Variants in PXDNL observed in about 807,000 individuals in gnomAD.
PXDNL encodes the protein peroxidasin like.
In PXDNL, 145 loss-of-function variants were observed where a neutral mutation model predicts 150.8. That is an observed-to-expected ratio of 0.96 (90% CI 0.84 to 1.10). The LOEUF is 1.10. Ranked by LOEUF, PXDNL falls within the 50% of genes least tolerant of loss-of-function variation. The pLI is 0.00. For synonymous variants in PXDNL, 757 were observed against 725.7 expected, an observed-to-expected ratio of 1.04 and a Z score of -0.69; for missense variants, 2,087 against 1,873.9, an observed-to-expected ratio of 1.11 and a Z score of -2.10.
chr8:51,614,112 A>G (rs1480484231), intron 2 of PXDNL, among the ~76,000 whole-genome samples: 2 of 152,260 alleles, frequency 1.3e-5, no homozygotes, highest in Non-Finnish European at 1.5e-5. Flanking sequence ...AAGAAATGAT[A>G]TATGAAAAAT....
At chr8:51,499,970 A>G (rs1811148322) in intron 4 of PXDNL, among the ~76,000 whole-genome samples, 200 bp from the exon 5 acceptor site, 1 of 152,174 alleles carries the variant, frequency 6.6e-6, no homozygotes, top group South Asian at 2.1e-4. Context: ...CTGATGTTCC[A>G]AAGGGGAATC....
chr8:51,803,293 CTG>C (rs2037640451), intron 1 of PXDNL, among the ~76,000 whole-genome samples: 1 of 152,196 alleles, frequency 6.6e-6, no homozygotes, highest in South Asian at 2.1e-4. Context: ...TCTTTGGAAA[CTG>C]CGAGGTCCAG....
At chr8:51,759,240 T>C (rs1013569141) in intron 1 of PXDNL, among the ~76,000 whole-genome samples, 7 of 152,182 alleles carry the variant, frequency 4.6e-5, no homozygotes, top group African/African-American at 1.4e-4. Flanking sequence ...TTTCAGTCTC[T>C]GTCCAAATTT....
intron 12 of PXDNL, among the ~76,000 whole-genome samples, chr8:51,445,864 G>A (rs1276980722): frequency 6.6e-6 from 1 of 152,082 alleles, no homozygotes; most frequent in Non-Finnish European, 1.5e-5. Flanking sequence ...AGGTTTGCCA[G>A]GGCACGTCAT....
intron 1 of PXDNL, among the ~76,000 whole-genome samples, chr8:51,683,234 G>C (rs1253579243): frequency 7.9e-6 from 1 of 126,396 alleles, no homozygotes; most frequent in Non-Finnish European, 1.6e-5. Context: ...GCCACAGTGA[G>C]GTATCACCTC....
intron 17 of PXDNL, among the ~76,000 whole-genome samples, chr8:51,401,777 A>C (rs1408569376): frequency 6.6e-6 from 1 of 152,178 alleles, no homozygotes; most frequent in Non-Finnish European, 1.5e-5. Context: ...CTTCCTGCAA[A>C]AGGAGGTTCA....
intron 4 of PXDNL, among the ~76,000 whole-genome samples, chr8:51,544,108 A>G (rs1319897614): frequency 1.3e-5 from 2 of 152,246 alleles, no homozygotes; most frequent in Non-Finnish European, 2.9e-5. Context: ...GTGTATGTAA[A>G]AGGAGAAAAT....
intron 2 of PXDNL, among the ~76,000 whole-genome samples, chr8:51,647,152 A>G (rs539241360): frequency 1.3e-3 from 195 of 152,296 alleles, no homozygotes; most frequent in African/African-American, 4.3e-3. Flanking sequence ...AAGGCAAATG[A>G]TAAGAAGTCT....
rs368106049 is a variant in PXDNL at position 51,453,632 on chromosome 8, G to T, written c.1136C>A (p.Thr379Lys). The change falls in exon 10 of 23, where the codon ACG becomes AAG. Residue 379 changes from threonine to lysine, a missense_variant. Thr to Lys is a moderately conservative substitution (Grantham distance 78, BLOSUM62 -1). Transcript: ENST00000356297. Reference protein sequence around the residue: ...LELDGSRHVATSSGLYLQNIT... With the variant: ...LELDGSRHVAKSSGLYLQNIT... Reference sequence around the variant, plus strand: ...GTTCTGTAAGTAAAGTCCACTGGACGTTGCCACGTGCCTGGATCCATCCAG... The same window carrying T: ...GTTCTGTAAGTAAAGTCCACTGGACTTTGCCACGTGCCTGGATCCATCCAG... 2 of 1,613,852 alleles carry T rather than the reference G, an allele frequency of 1.2e-6. No homozygotes were observed. The highest frequency in any genetic ancestry group is 2.7e-5 in the African/African-American group (2 of 74,932).
chr8:51,627,780 T>C (rs1345039840), intron 2 of PXDNL, among the ~76,000 whole-genome samples: 1 of 152,168 alleles, frequency 6.6e-6, no homozygotes, highest in Non-Finnish European at 1.5e-5. Flanking sequence ...AAGGTAGTCT[T>C]GAAATCAGCA....
intron 1 of PXDNL, among the ~76,000 whole-genome samples, chr8:51,669,402 G>A (rs577894458): frequency 4.6e-5 from 7 of 152,318 alleles, no homozygotes; most frequent in Admixed American, 3.3e-4. Context: ...ACAATTCATT[G>A]TAGTTTCTAG....
At chr8:51,601,107 T>G (rs1479833231) in intron 2 of PXDNL, among the ~76,000 whole-genome samples, 2 of 150,986 alleles carry the variant, frequency 1.3e-5, no homozygotes, top group Non-Finnish European at 3.0e-5. Flanking sequence ...TTTTGATTCT[T>G]TTAAAATTTA....
At chr8:51,479,494 T>G (rs1306456670) in intron 6 of PXDNL, among the ~76,000 whole-genome samples, 2 of 152,166 alleles carry the variant, frequency 1.3e-5, no homozygotes, top group Non-Finnish European at 2.9e-5. Context: ...CAAGAATAAA[T>G]GGATGTGTTA....
chr8:51,807,196 C>A (rs2037686815), intron 1 of PXDNL, among the ~76,000 whole-genome samples: 1 of 152,144 alleles, frequency 6.6e-6, no homozygotes, highest in South Asian at 2.1e-4. Flanking sequence ...GCAGGCTGTA[C>A]AAGAAGTACA....
chr8:51,526,193 A>G lies in PXDNL; in HGVS notation c.381-26423T>C, dbSNP rs559497657. Among the ~76,000 whole-genome samples, 5 of 152,328 alleles carry G rather than the reference A, an allele frequency of 3.3e-5. No homozygotes were observed. The South Asian group carries it at 1.0e-3, about 32-fold the overall frequency. On this transcript the variant is annotated intron_variant, in intron 4 of 22. Coordinates refer to ENST00000356297, the MANE Select transcript of PXDNL (RefSeq NM_144651.5). ...AGGTGGACGCATTCTTGGTCTCTGCAGCTGGGCATGGGGCTGGCGAGGCAG... is the reference window on the plus strand; with the variant it reads ...AGGTGGACGCATTCTTGGTCTCTGCGGCTGGGCATGGGGCTGGCGAGGCAG...
At chr8:51,463,259 A>G (rs1419016418) in intron 8 of PXDNL, among the ~76,000 whole-genome samples, 1 of 152,212 alleles carries the variant, frequency 6.6e-6, no homozygotes, top group Non-Finnish European at 1.5e-5. Context: ...AAACAAGAAG[A>G]TCAAAACATC....
intron 1 of PXDNL, among the ~76,000 whole-genome samples, chr8:51,766,798 C>T (rs1201220303): frequency 6.6e-6 from 1 of 151,970 alleles, no homozygotes; most frequent in African/African-American, 2.4e-5. Context: ...GGATGGATCG[C>T]TGAGTTTATC....
intron 1 of PXDNL, among the ~76,000 whole-genome samples, chr8:51,759,821 G>A (rs1237087679): frequency 6.6e-6 from 1 of 152,202 alleles, no homozygotes; most frequent in Non-Finnish European, 1.5e-5. Flanking sequence ...TTCCTGCCCA[G>A]TGAAATATCT....
Position 51,358,971 on chromosome 8 carries a change from G to A in PXDNL, c.3901+12902C>T, listed in dbSNP as rs1356605823. Among the ~76,000 whole-genome samples, 7 of 152,330 alleles carry A rather than the reference G, an allele frequency of 4.6e-5. No homozygotes were observed. The South Asian group carries it at 1.4e-3, about 32-fold the overall frequency. The stretch of plus-strand genomic sequence containing the variant: ...GCTTCATGTTCAGATTTCTGGCCGA[G>A]AGCTTCTGCCCTCAGAGTGTGCAGT... On this transcript the variant is annotated intron_variant, in intron 19 of 22. Transcript: ENST00000356297.
Sources: allele counts gnomAD v4.1 joint callset (sites outside exome capture counted in the v4.1 genomes callset), GRCh38; gene constraint gnomAD v4.1.1; transcripts MANE v1.5; gene names NCBI Gene and HGNC (gene_info 2026-07-23, HGNC 2026-07-21).